BTG4: variants seen among roughly 807,000 people sequenced by gnomAD.
The protein encoded by BTG4 is BTG anti-proliferation factor 4, also known as protein BTG4.
Under a neutral mutation model 19.3 loss-of-function variants are expected in BTG4, and 10 were observed. The ratio of observed to expected loss-of-function variants is 0.52; its 90% confidence interval spans 0.32 to 0.88. BTG4 has a LOEUF of 0.88. BTG4 is among the 40% of genes least tolerant of loss of function. BTG4 has a pLI of 0.04. For missense variants in BTG4, 238 were observed against 281.9 expected (o/e 0.84, Z 1.11); for synonymous variants, 91 against 95.7 (o/e 0.95, Z 0.29).
At chr11:111,467,656 C>A (rs752012810) in exon 6 of BTG4, 2 of 768,720 alleles carry the variant, frequency 2.6e-6, no homozygotes, top group African/African-American at 3.4e-5. Flanking sequence ...GCTGCAAATT[C>A]ATTCCCAGAT....
the BTG4 span, chr11:111,415,928 C>A: frequency 6.6e-6 from 1 of 152,236 alleles, no homozygotes; most frequent in East Asian, 1.9e-4. Flanking sequence ...CCTATAGTCC[C>A]AGGTACTCGG....
downstream of BTG4, among the ~76,000 whole-genome samples, chr11:111,466,583 T>C (rs1863733488): frequency 6.6e-6 from 1 of 152,228 alleles, no homozygotes; most frequent in South Asian, 2.1e-4. Flanking sequence ...GATGCATATA[T>C]AGCACAGGAG....
chr11:111,436,668 A>C, the BTG4 span, among the ~76,000 whole-genome samples: 1 of 150,138 alleles, frequency 6.7e-6, no homozygotes, highest in Non-Finnish European at 1.5e-5. Flanking sequence ...GCTTTCACCT[A>C]ACAGGCCTGA....
the BTG4 span, among the ~76,000 whole-genome samples, chr11:111,458,601 A>G: frequency 6.6e-6 from 1 of 152,074 alleles, no homozygotes; most frequent in East Asian, 1.9e-4. Flanking sequence ...GCAAAGCCTG[A>G]ATCTCCTGAG....
At chr11:111,459,931 C>CA in the BTG4 span, 1 of 152,224 alleles carries the variant, frequency 6.6e-6, no homozygotes, top group African/African-American at 2.4e-5. Context: ...TGCTGAGACC[C>CA]AAAATTAAAG....
the BTG4 span, chr11:111,450,934 C>T: frequency 6.4e-5 from 10 of 156,350 alleles, 1 homozygote; most frequent in African/African-American, 2.4e-4. Context: ...AGAGTGGCAG[C>T]TCTCCCTCAT....
the BTG4 span, chr11:111,416,120 G>A: frequency 1.3e-5 from 2 of 152,268 alleles, no homozygotes; most frequent in East Asian, 1.9e-4. Context: ...TTTCATTCTG[G>A]GCAGCCTAAG....
At chr11:111,405,715 T>C in the BTG4 span, among the ~76,000 whole-genome samples, 16 of 152,320 alleles carry the variant, frequency 1.1e-4, no homozygotes, top group Non-Finnish European at 2.2e-4. Context: ...AGAGGAAGTA[T>C]AGCGTGGCAG....
intron 5 of BTG4, among the ~76,000 whole-genome samples, chr11:111,482,061 C>T (rs1045602369): frequency 1.3e-5 from 2 of 150,742 alleles, no homozygotes; most frequent in South Asian, 2.1e-4. Flanking sequence ...ATTGTCAATA[C>T]AGAAAATCCC....
chr11:111,442,586 G>T, the BTG4 span, among the ~76,000 whole-genome samples: 1 of 146,608 alleles, frequency 6.8e-6, no homozygotes, highest in Non-Finnish European at 1.5e-5. Flanking sequence ...AAAATATAAG[G>T]AAGTACTCGA....
chr11:111,486,489 T>G lies in BTG4; in HGVS notation c.662+8674A>C, dbSNP rs544620366. On this transcript the variant is annotated intron_variant, in intron 5 of 5. Transcript: ENST00000356018. ...ATACTATTCATACTATTCTAAAAAA[T>G]TGGGCTAAAAAATTGAGCAGAAGGT... Among the ~76,000 whole-genome samples, 210 of 152,030 alleles carry G rather than the reference T, an allele frequency of 1.4e-3. 1 individual carries two copies. Among genetic ancestry groups the G allele is most frequent in the Non-Finnish European group, 2.4e-3 (161 of 67,998 alleles).
chr11:111,434,831 A>G, the BTG4 span, among the ~76,000 whole-genome samples: 1 of 152,294 alleles, frequency 6.6e-6, no homozygotes, highest in South Asian at 2.1e-4. Context: ...TAAGGAGGGC[A>G]GGGAATCTCA....
chr11:111,409,446 C>A, the BTG4 span, among the ~76,000 whole-genome samples: 1 of 152,114 alleles, frequency 6.6e-6, no homozygotes, highest in Non-Finnish European at 1.5e-5. Flanking sequence ...GGATTAGTTC[C>A]CATGAGAGTG....
chr11:111,386,656 A>C, the BTG4 span, among the ~76,000 whole-genome samples: 1 of 152,248 alleles, frequency 6.6e-6, no homozygotes, highest in Non-Finnish European at 1.5e-5. Context: ...GTTAAGAACC[A>C]CTGTTTATTA....
At chr11:111,468,188 A>G (rs1335030858) in intron 5 of BTG4, among the ~76,000 whole-genome samples, 1 of 152,240 alleles carries the variant, frequency 6.6e-6, no homozygotes, top group Non-Finnish European at 1.5e-5. Flanking sequence ...ATAAAACCAG[A>G]AACTACTCAC....
chr11:111,430,742 T>G, the BTG4 span, among the ~76,000 whole-genome samples: 417 of 152,298 alleles, frequency 2.7e-3, 3 homozygotes, highest in Non-Finnish European at 1.9e-3. Flanking sequence ...ATGAGGAAAC[T>G]GAGACCCAGA....
the BTG4 span, among the ~76,000 whole-genome samples, chr11:111,431,620 C>T: frequency 2.6e-5 from 4 of 152,144 alleles, no homozygotes; most frequent in African/African-American, 4.8e-5. Context: ...ACATAATATA[C>T]GGCCCATCCT....
chr11:111,465,924 G>A (rs1395241701), downstream of BTG4, among the ~76,000 whole-genome samples: 1 of 152,138 alleles, frequency 6.6e-6, no homozygotes, highest in African/African-American at 2.4e-5. Context: ...TGACTCCAGA[G>A]AACTTGACCA....
chr11:111,422,505 G>A, the BTG4 span, among the ~76,000 whole-genome samples: 36 of 152,142 alleles, frequency 2.4e-4, no homozygotes, highest in Non-Finnish European at 1.6e-4. Context: ...GGCCTTCATC[G>A]CCCTAATGCT....
Sources: gnomAD v4.1 joint callset for allele counts (sites outside exome capture counted in the v4.1 genomes callset) on GRCh38, gnomAD v4.1.1 for gene constraint, MANE v1.5 for transcripts, NCBI Gene and HGNC (gene_info 2026-07-23, HGNC 2026-07-21) for gene names.